CPQ: variants seen among roughly 807,000 people sequenced by gnomAD.
CPQ encodes carboxypeptidase Q.
Under a neutral mutation model 45.7 loss-of-function variants are expected in CPQ, and 37 were observed. The observed-to-expected ratio is 0.81, with a 90% CI of 0.62 to 1.07. The LOEUF (loss-of-function observed/expected upper bound fraction) is 1.07. Among genes scored for constraint, CPQ ranks in the 50% least tolerant of loss-of-function variants. The pLI, the probability that CPQ is intolerant of heterozygous loss-of-function variation, is 0.00. For missense variants in CPQ, 537 were observed against 572.9 expected, an observed-to-expected ratio of 0.94 and a Z score of 0.64; for synonymous variants, 186 against 205.8, an observed-to-expected ratio of 0.90 and a Z score of 0.82.
chr8:96,696,200 C>G (rs1288208773), intron 1 of CPQ, among the ~76,000 whole-genome samples: 1 of 150,970 alleles, frequency 6.6e-6, no homozygotes, highest in East Asian at 1.9e-4. Context: ...AACAAAAAAC[C>G]AAACACCGCA....
At chr8:96,781,299 T>C (rs939674234) in intron 1 of CPQ, among the ~76,000 whole-genome samples, 4 of 152,196 alleles carry the variant, frequency 2.6e-5, no homozygotes, top group Non-Finnish European at 5.9e-5. Context: ...TTTACAATTC[T>C]AGAGCCTAGA....
At chr8:96,663,780 T>C (rs1489297397) in intron 1 of CPQ, among the ~76,000 whole-genome samples, 1 of 152,042 alleles carries the variant, frequency 6.6e-6, no homozygotes. Flanking sequence ...GTGTGTGTCA[T>C]CATCTCTGTT....
intron 6 of CPQ, among the ~76,000 whole-genome samples, chr8:97,054,858 A>G (rs1379924122): frequency 6.6e-6 from 1 of 152,086 alleles, no homozygotes; most frequent in African/African-American, 2.4e-5. Flanking sequence ...CTAAAATCCC[A>G]GGCTTCACTG....
At chr8:96,743,468 T>C (rs992155462) in intron 1 of CPQ, among the ~76,000 whole-genome samples, 2 of 152,210 alleles carry the variant, frequency 1.3e-5, no homozygotes, top group Admixed American at 1.3e-4. Context: ...AGCCTTCTTC[T>C]CTCAGCTCGT....
At chr8:96,676,164 A>G (rs1011344039) in intron 1 of CPQ, among the ~76,000 whole-genome samples, 2 of 152,008 alleles carry the variant, frequency 1.3e-5, no homozygotes, top group Non-Finnish European at 2.9e-5. Context: ...TTGAAATAAT[A>G]AATTATTATT....
intron 6 of CPQ, among the ~76,000 whole-genome samples, chr8:97,042,393 T>C (rs1356948092): frequency 6.6e-6 from 1 of 152,160 alleles, no homozygotes; most frequent in Non-Finnish European, 1.5e-5. Context: ...TTTATTAGTC[T>C]TGCTAGCAGT....
intron 5 of CPQ, among the ~76,000 whole-genome samples, chr8:97,024,824 A>G (rs932871607): frequency 6.6e-6 from 1 of 152,080 alleles, no homozygotes; most frequent in African/African-American, 2.4e-5. Flanking sequence ...AAGTGTAGGC[A>G]CTCTCTTCTG....
At chr8:97,052,551 T>G (rs1810380565) in intron 6 of CPQ, among the ~76,000 whole-genome samples, 1 of 152,148 alleles carries the variant, frequency 6.6e-6, no homozygotes, top group African/African-American at 2.4e-5. Context: ...TTTTTTAAAT[T>G]CTATGTTGTC....
intron 4 of CPQ, among the ~76,000 whole-genome samples, chr8:96,930,842 C>G (rs1473364919): frequency 1.3e-5 from 2 of 152,206 alleles, no homozygotes; most frequent in Non-Finnish European, 2.9e-5. Flanking sequence ...TCTGTCAACA[C>G]TGCCATGAGA....
rs1453398640 is a variant in CPQ, at chr8:96,743,586, T to G, written c.-34-41278T>G. On this transcript the variant is annotated intron_variant, in intron 1 of 7. Coordinates refer to ENST00000220763, the MANE Select transcript of CPQ (RefSeq NM_016134.4). ...AGAGTTTCCAGTTTTTCTGTTCTGTTTTTTCCCCATCTTTGTGGTTTTATC... is the reference window on the plus strand; with the variant it reads ...AGAGTTTCCAGTTTTTCTGTTCTGTGTTTTCCCCATCTTTGTGGTTTTATC... 2.6e-5 allele frequency among the ~76,000 whole-genome samples: 4 copies of G among 151,978 alleles called. No individual in the cohort carries two copies. The South Asian group carries it at 8.3e-4, about 32-fold the overall frequency.
intron 3 of CPQ, among the ~76,000 whole-genome samples, chr8:96,875,563 G>C (rs561262404): frequency 6.6e-6 from 1 of 151,958 alleles, no homozygotes; most frequent in South Asian, 2.1e-4. Flanking sequence ...TTCTATTCTT[G>C]TTGAACTGTC....
chr8:96,966,016 TGGGA>T lies in CPQ; in HGVS notation c.932_935del (p.Trp311Ter). The T allele has an allele frequency of 6.2e-7, 1 of 1,613,588 alleles. No individual in the cohort carries two copies. The highest frequency in any genetic ancestry group is 8.5e-7 in the Non-Finnish European group (1 of 1,179,764). The stretch of plus-strand genomic sequence containing the variant: ...TGATGGCGGTGGAGCCTTTATATCA[TGGGA>T]AGCACTCTCACTTATTAAAGATCTT... On this transcript the variant is annotated frameshift_variant, in exon 5 of 8. Coordinates refer to ENST00000220763, the MANE Select transcript of CPQ (RefSeq NM_016134.4). LOFTEE classifies it high-confidence loss of function.
chr8:97,096,622 C>T (rs1271364252), intron 7 of CPQ, among the ~76,000 whole-genome samples: 1 of 152,128 alleles, frequency 6.6e-6, no homozygotes, highest in East Asian at 1.9e-4. Flanking sequence ...AGTCCTAATG[C>T]GTGAAGATGG....
chr8:96,868,302 T>G (rs1370175514), intron 3 of CPQ, among the ~76,000 whole-genome samples: 1 of 152,090 alleles, frequency 6.6e-6, no homozygotes, highest in African/African-American at 2.4e-5. Flanking sequence ...CACCAATCAT[T>G]TGTATCTAGA....
chr8:96,660,840 G>T (rs1414608532), intron 1 of CPQ, among the ~76,000 whole-genome samples: 1 of 152,128 alleles, frequency 6.6e-6, no homozygotes, highest in Non-Finnish European at 1.5e-5. Flanking sequence ...AGGCTGATCT[G>T]AAATATCATC....
chr8:96,708,662 C>A (rs1206158297), intron 1 of CPQ, among the ~76,000 whole-genome samples: 3 of 152,050 alleles, frequency 2.0e-5, no homozygotes, highest in Non-Finnish European at 4.4e-5. Context: ...GAAGGATACT[C>A]CCTACTTAAC....
chr8:96,682,258 G>T (rs1028939593), intron 1 of CPQ, among the ~76,000 whole-genome samples: 2 of 152,176 alleles, frequency 1.3e-5, no homozygotes, highest in Non-Finnish European at 2.9e-5. Context: ...GGAGGTAATT[G>T]AATCACGAGA....
At chr8:96,981,601 C>T (rs1023809635) in intron 5 of CPQ, among the ~76,000 whole-genome samples, 1 of 152,126 alleles carries the variant, frequency 6.6e-6, no homozygotes, top group Admixed American at 6.5e-5. Flanking sequence ...CATTTTTGGT[C>T]ATAAATGAAG....
intron 1 of CPQ, among the ~76,000 whole-genome samples, chr8:96,701,450 G>A (rs1809458718): frequency 6.6e-6 from 1 of 152,172 alleles, no homozygotes; most frequent in Non-Finnish European, 1.5e-5. Flanking sequence ...GGTGGGATCT[G>A]ATGAGTATTT....
Sources: allele counts gnomAD v4.1 joint callset (sites outside exome capture counted in the v4.1 genomes callset), GRCh38; gene constraint gnomAD v4.1.1; transcripts MANE v1.5; gene names NCBI Gene and HGNC (gene_info 2026-07-23, HGNC 2026-07-21).